Variants in PAPSS1 observed in about 807,000 individuals in gnomAD.
The protein encoded by PAPSS1 is 3'-phosphoadenosine 5'-phosphosulfate synthase 1.
A neutral mutation model predicts 72.0 loss-of-function variants in PAPSS1; 50 were observed. That is an observed-to-expected ratio of 0.69 (90% CI 0.55 to 0.88). The LOEUF (loss-of-function observed/expected upper bound fraction) is 0.88, where lower values mean the gene tolerates loss of function less well. PAPSS1 is among the 40% of genes least tolerant of loss of function. PAPSS1 has a pLI of 0.00. For synonymous variants in PAPSS1, 261 were observed against 263.6 expected (o/e 0.99, Z 0.09); for missense variants, 657 against 782.2 (o/e 0.84, Z 1.91).
In PAPSS1 at chr4:107,673,534, C is replaced by T. The variant is rs568018948; in HGVS notation, c.669+8481G>A. 2.6e-5 allele frequency among the ~76,000 whole-genome samples: 4 copies of T among 152,176 alleles called. No homozygotes were observed. The South Asian group carries it at 6.2e-4, about 24-fold the overall frequency. On this transcript the variant is annotated intron_variant, in intron 5 of 11. Coordinates refer to ENST00000265174, the MANE Select transcript of PAPSS1 (RefSeq NM_005443.5). ...GAAAAAAAGAATAAAAAGAAATGAA[C>T]AAAGCCTCCAAGAAATATGGGACTA... is the stretch of plus-strand genomic sequence containing the variant.
intron 3 of PAPSS1, 106 bp downstream of exon 3, chr4:107,693,665 T>C (rs1394376715): frequency 2.8e-6 from 2 of 726,856 alleles, no homozygotes; most frequent in Non-Finnish European, 2.4e-6. Flanking sequence ...TGGGGAGGAG[T>C]AGAGTTAGCC....
intron 5 of PAPSS1, among the ~76,000 whole-genome samples, chr4:107,673,244 C>T (rs1357328495): frequency 6.6e-6 from 1 of 152,068 alleles, no homozygotes; most frequent in Non-Finnish European, 1.5e-5. Flanking sequence ...AAGAAGGCTT[C>T]AGATGATCAA....
At chr4:107,687,864 T>C (rs1318598582) in intron 3 of PAPSS1, among the ~76,000 whole-genome samples, 2 of 152,096 alleles carry the variant, frequency 1.3e-5, no homozygotes, top group East Asian at 3.9e-4. Context: ...CCCTGCAATT[T>C]CTACCATCCT....
chr4:107,699,719 C>T (rs894668994), intron 2 of PAPSS1, among the ~76,000 whole-genome samples: 3 of 152,126 alleles, frequency 2.0e-5, no homozygotes, highest in Non-Finnish European at 2.9e-5. Context: ...GCTGATTAGG[C>T]TCACACTTAT....
intron 7 of PAPSS1, 46 bp downstream of exon 7, chr4:107,656,850 A>G (rs897852899): frequency 1.2e-5 from 15 of 1,291,490 alleles, no homozygotes; most frequent in Non-Finnish European, 1.6e-5. Context: ...CAACTATGTA[A>G]TTTCTCTTCC....
rs924438846 is a variant in PAPSS1, at chr4:107,614,035, T to C, written c.*214A>G. The C allele has an allele frequency of 7.8e-6, 3 of 386,302 alleles. No individual in the cohort carries two copies. The highest frequency in any genetic ancestry group is 6.2e-5 in the African/African-American group (3 of 48,248). The allele number at this position is 386,302 out of a possible 1,614,324, so 23.9% of individuals were successfully genotyped here. ...AAATTGTATTGTAGGAATATAACTA[T>C]AATAAGTGGAAAAGATACATTAAAA... On this transcript the variant is annotated 3_prime_UTR_variant, in exon 12 of 12. Transcript: ENST00000265174.
rs545240973 is a variant in PAPSS1 at position 107,672,199 on chromosome 4, G to T, written c.669+9816C>A. ...CTGAGGCACCGGGCGCATCTCACTG[G>T]GGAGTGTCAGAAAGTGGGTGCAGGA... On this transcript the variant is annotated intron_variant, in intron 5 of 11. Coordinates refer to ENST00000265174, the MANE Select transcript of PAPSS1 (RefSeq NM_005443.5). Among the ~76,000 whole-genome samples the T allele has an allele frequency of 9.8e-5, 15 of 152,298 alleles. No individual in the cohort carries two copies. In the South Asian group the frequency reaches 3.1e-3, roughly 32 times the overall value.
At chr4:107,676,617 A>G (rs1727658865) in intron 5 of PAPSS1, among the ~76,000 whole-genome samples, 1 of 152,190 alleles carries the variant, frequency 6.6e-6, no homozygotes, top group African/African-American at 2.4e-5. Context: ...GCCCAAGGTA[A>G]TTTATAGATT....
chr4:107,703,270 T>C (rs1354517787), intron 1 of PAPSS1, among the ~76,000 whole-genome samples: 7 of 152,318 alleles, frequency 4.6e-5, no homozygotes, highest in Non-Finnish European at 1.5e-5. Context: ...TTATCAGATG[T>C]ATGGTTTGCA....
In PAPSS1 at chr4:107,613,884, A is replaced by T. The variant is rs1028436863; in HGVS notation, c.*365T>A. 6.4e-6 allele frequency: 1 copy of T among 156,390 alleles called. No individual in the cohort carries two copies. Among genetic ancestry groups the T allele is most frequent in the African/African-American group, 2.4e-5 (1 of 41,486 alleles). The allele number at this position is 156,390 out of a possible 1,614,324, so 9.7% of individuals were successfully genotyped here. A position where few individuals can be genotyped will look rare whatever the true frequency, so the allele number is the denominator to read the frequency against. ...GTCTAGCCAAGTTTATTGTTTGGTA[A>T]TTTTTTTCTTTTTTTAAGGGGAAAA... On this transcript the variant is annotated 3_prime_UTR_variant, in exon 12 of 12. Coordinates refer to ENST00000265174, the MANE Select transcript of PAPSS1 (RefSeq NM_005443.5).
chr4:107,644,996 G>A lies in PAPSS1; in HGVS notation c.1312C>T (p.Gln438Ter), dbSNP rs1485259856. The change falls in exon 10 of 12, where the codon CAA becomes TAA. Residue 438 changes from glutamine to a stop codon, truncating the protein, a stop_gained. Coordinates refer to ENST00000265174, the MANE Select transcript of PAPSS1 (RefSeq NM_005443.5). LOFTEE classifies it high-confidence loss of function. Reference protein sequence around the residue: ...HALLMQDTHKQLLERGYRRPV... With the variant: ...HALLMQDTHK The stretch of plus-strand genomic sequence containing the variant: ...CGCCGGTAGCCCCTCTCTAGAAGTT[G>A]CTTATGGGTATCCTGCATTAACAGG... The A allele has an allele frequency of 6.2e-7, 1 of 1,612,268 alleles. No homozygotes were observed. Among genetic ancestry groups the A allele is most frequent in the Non-Finnish European group, 8.5e-7 (1 of 1,178,912 alleles).
At chr4:107,638,856 T>C (rs1191913220) in intron 10 of PAPSS1, among the ~76,000 whole-genome samples, 1 of 152,210 alleles carries the variant, frequency 6.6e-6, no homozygotes, top group Non-Finnish European at 1.5e-5. Context: ...AATAAGATAG[T>C]TATTATTCCT....
intron 11 of PAPSS1, among the ~76,000 whole-genome samples, chr4:107,616,995 C>A (rs1351147410): frequency 1.3e-5 from 2 of 152,116 alleles, no homozygotes; most frequent in African/African-American, 4.8e-5. Flanking sequence ...CACTAGTCAG[C>A]TTTCCACCAT....
chr4:107,671,259 A>C lies in PAPSS1; in HGVS notation c.669+10756T>G, dbSNP rs143309867. ...GAGCTGCAAAATTTTCTCAAAATCA[A>C]GTTTTTTTTTTTCAAGAAAAACTTA... is the stretch of plus-strand genomic sequence containing the variant. On this transcript the variant is annotated intron_variant, in intron 5 of 11. Transcript: ENST00000265174. Among the ~76,000 whole-genome samples the C allele has an allele frequency of 3.5e-3, 533 of 151,900 alleles. 4 individuals are homozygous for C. The highest frequency in any genetic ancestry group is 0.012 in the African/African-American group (503 of 41,432).
chr4:107,662,506 G>A (rs1194118368), intron 5 of PAPSS1, among the ~76,000 whole-genome samples: 3 of 151,740 alleles, frequency 2.0e-5, no homozygotes, highest in African/African-American at 4.9e-5. Context: ...CCACACTAAA[G>A]AGGGCATATC....
At chr4:107,667,665 A>G (rs985011805) in intron 5 of PAPSS1, among the ~76,000 whole-genome samples, 3 of 152,232 alleles carry the variant, frequency 2.0e-5, no homozygotes, top group African/African-American at 7.2e-5. Context: ...AAGCTTGAAG[A>G]GGGGATAAAA....
chr4:107,648,128 T>C (rs907653996), intron 9 of PAPSS1, among the ~76,000 whole-genome samples: 1 of 152,184 alleles, frequency 6.6e-6, no homozygotes. Flanking sequence ...CTGGATTTCC[T>C]ATCACCTAGT....
In PAPSS1 at chr4:107,653,238, G is replaced by A. The variant is rs574477109; in HGVS notation, c.1237+253C>T. ...ATAGTTCCATTCAGCTTTAACATGCGAGTTTTATAATAAATAAAAGGTAAA... is the reference window on the plus strand; with the variant it reads ...ATAGTTCCATTCAGCTTTAACATGCAAGTTTTATAATAAATAAAAGGTAAA... On this transcript the variant is annotated intron_variant, in intron 9 of 11. Transcript: ENST00000265174. 1.6e-4 allele frequency among the ~76,000 whole-genome samples: 24 copies of A among 151,936 alleles called. 1 individual carries two copies. The South Asian group carries it at 4.4e-3, about 28-fold the overall frequency.
intron 1 of PAPSS1, among the ~76,000 whole-genome samples, chr4:107,703,477 C>A (rs1723258294): frequency 6.6e-6 from 1 of 150,388 alleles, no homozygotes; most frequent in Non-Finnish European, 1.5e-5. Context: ...TTTCCTCTAG[C>A]AGTTTTAGAC....
Sources: gnomAD v4.1 joint callset for allele counts (sites outside exome capture counted in the v4.1 genomes callset) on GRCh38, gnomAD v4.1.1 for gene constraint, MANE v1.5 for transcripts, NCBI Gene and HGNC (gene_info 2026-07-23, HGNC 2026-07-21) for gene names.